The following BAG4 variants were observed in gnomAD, a reference collection of about 807,000 sequenced individuals.
The protein encoded by BAG4 is BAG cochaperone 4, also known as BAG family molecular chaperone regulator 4.
Under a neutral mutation model 52.1 loss-of-function variants are expected in BAG4, and 28 were observed. That is an observed-to-expected ratio of 0.54 (90% confidence interval 0.40 to 0.74). The LOEUF is 0.74. Among genes scored for constraint, BAG4 ranks in the 30% least tolerant of loss-of-function variants. The pLI, the probability that BAG4 is intolerant of heterozygous loss-of-function variation, is 0.00. For synonymous variants in BAG4, 208 were observed against 217.0 expected (o/e 0.96, Z 0.37); for missense variants, 525 against 572.0 (o/e 0.92, Z 0.84).
intron 1 of BAG4, among the ~76,000 whole-genome samples, chr8:38,178,319 T>C (rs1220490039): frequency 3.9e-5 from 6 of 152,208 alleles, no homozygotes; most frequent in Admixed American, 2.6e-4. Flanking sequence ...CACACCCGGC[T>C]AATTTTTGTA....
At chr8:38,209,832 T>C (rs531822257) in intron 4 of BAG4, among the ~76,000 whole-genome samples, 176 bp from the exon 5 acceptor site, 2 of 152,342 alleles carry the variant, frequency 1.3e-5, no homozygotes, top group East Asian at 3.9e-4. Context: ...CACTCCCTTT[T>C]ATCTTCTTAG....
At chr8:38,202,026 C>A (rs1423524803) in intron 2 of BAG4, 2 of 149,928 alleles carry the variant, frequency 1.3e-5, no homozygotes, top group African/African-American at 2.5e-5. Flanking sequence ...GAACTAAAGC[C>A]TTCCTCATTT....
chr8:38,210,841 G>C lies in BAG4; in HGVS notation c.*348G>C, dbSNP rs1481658271. The C allele has an allele frequency of 5.7e-6, 1 of 174,940 alleles. No homozygotes were observed. Among genetic ancestry groups the C allele is most frequent in the Non-Finnish European group, 1.2e-5 (1 of 82,780 alleles). 10.8% of individuals were successfully genotyped at this position (174,940 alleles called of 1,614,324 possible). A position where few individuals can be genotyped will look rare whatever the true frequency, so the allele number is the denominator to read the frequency against. ...ATCAGAAACCTACCAGATGAAACTG[G>C]ATATAATCTGAGACAAACAGGATGT... On this transcript the variant is annotated 3_prime_UTR_variant, in exon 5 of 5. Coordinates refer to ENST00000287322, the MANE Select transcript of BAG4 (RefSeq NM_004874.4).
Position 38,209,285 on chromosome 8 carries a change from T to G in BAG4, c.888+18T>G, listed in dbSNP as rs1456544768. ...AGCCCAAGGTAGGAGACCTAAATGT[T>G]GTTCCTTTAATGTGTGTGTAATTAG... On this transcript the variant is annotated intron_variant, in intron 4 of 4. Transcript: ENST00000287322. The G allele has an allele frequency of 1.2e-6, 2 of 1,614,086 alleles. No homozygotes were observed. The highest frequency in any genetic ancestry group is 8.5e-7 in the Non-Finnish European group (1 of 1,179,980).
rs556443925 is a variant in BAG4 at position 38,207,735 on chromosome 8, G to T, written c.602G>T (p.Arg201Met). 6.2e-7 allele frequency: 1 copy of T among 1,614,132 alleles called. No homozygotes were observed. The highest frequency in any genetic ancestry group is 1.3e-5 in the African/African-American group (1 of 75,040). The change falls in exon 3 of 5, where the codon AGG (arginine) becomes ATG (methionine). Residue 201 changes from arginine to methionine, a missense_variant. Arg to Met is a moderately conservative substitution (Grantham distance 91). Around this residue, in one of 2 missense-constraint regions of BAG4, gnomAD observed 287 missense variants for 266.1 expected, o/e 1.08. Transcript: ENST00000287322. Reference sequence around the variant, plus strand: ...TGTCAGACTGAAGCACCCCCTCTTAGGGGGCAGGTTCCAGGATATCCGCCT... The same window carrying T: ...TGTCAGACTGAAGCACCCCCTCTTATGGGGCAGGTTCCAGGATATCCGCCT... ...QDCQTEAPPLRGQVPGYPPSQ... is the reference protein window; with the variant it reads ...QDCQTEAPPLMGQVPGYPPSQ...
At chr8:38,196,262 C>T (rs953452621) in intron 2 of BAG4, among the ~76,000 whole-genome samples, 5 of 152,126 alleles carry the variant, frequency 3.3e-5, no homozygotes, top group Admixed American at 6.6e-5. Context: ...AACTAGCAAA[C>T]GGTTTTCCAA....
intron 2 of BAG4, among the ~76,000 whole-genome samples, chr8:38,201,512 A>T (rs1803661793): frequency 6.6e-6 from 1 of 152,012 alleles, no homozygotes; most frequent in Non-Finnish European, 1.5e-5. Flanking sequence ...TATGTTGCCT[A>T]GGCTGGTCTT....
intron 1 of BAG4, among the ~76,000 whole-genome samples, chr8:38,179,781 AG>A (rs1489683589): frequency 6.6e-6 from 1 of 151,946 alleles, no homozygotes; most frequent in East Asian, 1.9e-4. Context: ...AAAAAAATAA[AG>A]AAAGAAAGAT....
intron 1 of BAG4, among the ~76,000 whole-genome samples, chr8:38,178,230 A>G (rs1365950619): frequency 6.8e-6 from 1 of 147,988 alleles, no homozygotes; most frequent in East Asian, 2.0e-4. Context: ...ATCTCGGCTC[A>G]CTGCAACCTC....
chr8:38,179,199 G>T (rs1255281111), intron 1 of BAG4, among the ~76,000 whole-genome samples: 2 of 151,748 alleles, frequency 1.3e-5, no homozygotes, highest in Non-Finnish European at 2.9e-5. Flanking sequence ...TTGCTCTGTC[G>T]CCCAGGCTGG....
intron 1 of BAG4, among the ~76,000 whole-genome samples, chr8:38,185,452 T>C (rs2130665630): frequency 6.6e-6 from 1 of 152,344 alleles, no homozygotes; most frequent in Middle Eastern, 3.4e-3. Context: ...CATGACAGCA[T>C]GAAGAATTCT....
chr8:38,180,248 C>T (rs565459055), intron 1 of BAG4, among the ~76,000 whole-genome samples: 2 of 152,046 alleles, frequency 1.3e-5, no homozygotes, highest in East Asian at 3.9e-4. Flanking sequence ...GTTGGCCGGG[C>T]GTGGTGGCTC....
rs181012263 is a variant in BAG4 at position 38,184,408 on chromosome 8, G to C, written c.270+7269G>C. ...CCTGAGCCCAGGTGGCCGAGGGTGTGGTGAGCTGTGATTGTGCCACTGCAC... is the reference window on the plus strand; with the variant it reads ...CCTGAGCCCAGGTGGCCGAGGGTGTCGTGAGCTGTGATTGTGCCACTGCAC... On this transcript the variant is annotated intron_variant, in intron 1 of 4. Transcript: ENST00000287322. Among the ~76,000 whole-genome samples the C allele has an allele frequency of 3.3e-3, 497 of 152,060 alleles. 2 individuals carry two copies. Among genetic ancestry groups the C allele is most frequent in the Non-Finnish European group, 4.9e-3 (335 of 67,966 alleles).
intron 1 of BAG4, 80 bp from the exon 2 acceptor site, chr8:38,192,608 T>A: frequency 1.7e-6 from 2 of 1,158,610 alleles, no homozygotes; most frequent in South Asian, 3.0e-5. Flanking sequence ...TTTTAATCCT[T>A]ATAACCTGCC....
At chr8:38,191,760 CAAAAAAAAAAAA>C (rs35851034) in intron 1 of BAG4, among the ~76,000 whole-genome samples, 1 of 72,624 alleles carries the variant, frequency 1.4e-5, no homozygotes, top group Admixed American at 1.6e-4. Context: ...AACTCTGTCT[CAAAAAAAAAAAA>C]AAAAAAAAAA....
Position 38,191,496 on chromosome 8 carries a change from C to T in BAG4, c.271-1192C>T, listed in dbSNP as rs529430505. 8.5e-5 allele frequency among the ~76,000 whole-genome samples: 13 copies of T among 152,278 alleles called. No homozygotes were observed. In the East Asian group the frequency reaches 9.7e-4, roughly 11 times the overall value. Reference sequence around the variant, plus strand: ...ACTTGGGCGGGCACAGTGTGGCTCACGCCTGTAATTCCAGCACTTTGGGAA... The same window carrying T: ...ACTTGGGCGGGCACAGTGTGGCTCATGCCTGTAATTCCAGCACTTTGGGAA... On this transcript the variant is annotated intron_variant, in intron 1 of 4. Coordinates refer to ENST00000287322, the MANE Select transcript of BAG4 (RefSeq NM_004874.4).
chr8:38,198,579 C>T (rs569081864), intron 2 of BAG4, among the ~76,000 whole-genome samples: 80 of 149,628 alleles, frequency 5.3e-4, no homozygotes, highest in African/African-American at 1.9e-3. Flanking sequence ...ACCTCCGCCT[C>T]CCAGGTTCAA....
At chr8:38,188,649 ATACATATATACATGTATACATATACATG>A (rs1803412675) in intron 1 of BAG4, among the ~76,000 whole-genome samples, 4 of 684 alleles carry the variant, frequency 5.8e-3, no homozygotes, top group African/African-American at 0.018. Context: ...ATATACATGT[ATACATATATACATGTATACATATACATG>A]TATACATATA....
intron 1 of BAG4, among the ~76,000 whole-genome samples, chr8:38,188,897 A>T (rs1485663559): frequency 6.6e-6 from 1 of 151,540 alleles, no homozygotes; most frequent in East Asian, 1.9e-4. Context: ...AGGTTCAAGC[A>T]ATTTTCCTGC....
Sources: gnomAD v4.1 joint callset for allele counts (sites outside exome capture counted in the v4.1 genomes callset) on GRCh38, gnomAD v4.1.1 for gene constraint, gnomAD v4.1.1 regional missense constraint, MANE v1.5 for transcripts, NCBI Gene and HGNC (gene_info 2026-07-23, HGNC 2026-07-21) for gene names.